Variants in HMGXB3 observed in about 807,000 individuals in gnomAD.
The protein encoded by HMGXB3 is HMG-box containing 3, also known as HMG domain-containing protein 3.
A neutral mutation model predicts 121.5 loss-of-function variants in HMGXB3; 45 were observed. The ratio of observed to expected loss-of-function variants is 0.37; its 90% CI spans 0.29 to 0.47. The LOEUF is 0.47. Among genes scored for constraint, HMGXB3 ranks in the 20% least tolerant of loss-of-function variants. The pLI is 0.99. For synonymous variants in HMGXB3, 590 were observed against 624.1 expected (o/e 0.95, Z 0.81); for missense variants, 1,376 against 1,602.2 (o/e 0.86, Z 2.41).
At position 150,046,126 on chromosome 5, in the gene HMGXB3, G is replaced by A. The variant is rs567459206; in HGVS notation, c.2950+441G>A. ...CGGGTAAGAGGATAGGTTTCTAACA[G>A]CTTGAGTTTGATTCCCAGCTTTGCC... On this transcript the variant is annotated intron_variant, in intron 16 of 19. Transcript: ENST00000502717. Among the ~76,000 whole-genome samples, 216 of 152,316 alleles carry A rather than the reference G, an allele frequency of 1.4e-3. 1 individual carries two copies. The highest frequency in any genetic ancestry group is 2.3e-3 in the Non-Finnish European group (159 of 68,018).
At chr5:150,041,028 T>C (rs1756620552) in intron 14 of HMGXB3, 149 bp downstream of exon 14, 1 of 810,638 alleles carries the variant, frequency 1.2e-6, no homozygotes, top group Non-Finnish European at 1.8e-6. Flanking sequence ...CACTCTTCCT[T>C]TTGAATTTTA....
In HMGXB3 at chr5:150,010,489, C is replaced by T; in HGVS notation, c.691C>T (p.Gln231Ter). 5 of 1,551,626 alleles carry T rather than the reference C, an allele frequency of 3.2e-6. No homozygotes were observed. Among genetic ancestry groups the T allele is most frequent in the Non-Finnish European group, 4.4e-6 (5 of 1,146,986 alleles). ...AGTAGGGGAGAGCCACCAACCTTAC[C>T]AGACAAGCCTGGTAATTGAAGAGAC... ...LEVGESHQPY[Q>*]TSLVIEETLV... The change falls in exon 4 of 20, where the codon CAG (glutamine) becomes TAG (stop). Residue 231 changes from glutamine (Q) to a stop codon, truncating the protein, a stop_gained. Coordinates refer to ENST00000502717, the MANE Select transcript of HMGXB3 (RefSeq NM_014983.3). LOFTEE classifies it high-confidence loss of function.
At chr5:150,033,224 A>G (rs1053976819) in intron 11 of HMGXB3, among the ~76,000 whole-genome samples, 61 of 152,296 alleles carry the variant, frequency 4.0e-4, no homozygotes, top group African/African-American at 1.4e-3. Flanking sequence ...TAAAGTGAAC[A>G]GAAAATGGTG....
Position 150,052,432 on chromosome 5 carries a change from G to T in HMGXB3, c.*240G>T, listed in dbSNP as rs1339898382. On this transcript the variant is annotated 3_prime_UTR_variant, in exon 20 of 20. Coordinates refer to ENST00000502717, the MANE Select transcript of HMGXB3 (RefSeq NM_014983.3). ...TCTTCTGGCCCCGAGAGAGCACTTG[G>T]GGGACACGGTATGTTTAATGGAGGG... 5.7e-6 allele frequency: 3 copies of T among 524,838 alleles called. No homozygotes were observed. The highest frequency in any genetic ancestry group is 5.7e-5 in the African/African-American group (3 of 52,792). The allele number at this position is 524,838 out of a possible 1,614,324, so 32.5% of individuals were successfully genotyped here.
intron 2 of HMGXB3, 107 bp from the exon 3 acceptor site, chr5:150,006,366 A>G (rs1481318612): frequency 3.5e-6 from 3 of 865,202 alleles, no homozygotes; most frequent in Admixed American, 2.7e-5. Flanking sequence ...AGTAGTACTT[A>G]CTGGTTGAAT....
intron 4 of HMGXB3, among the ~76,000 whole-genome samples, chr5:150,011,060 C>T (rs1755822029): frequency 6.6e-6 from 1 of 151,944 alleles, no homozygotes; most frequent in Non-Finnish European, 1.5e-5. Flanking sequence ...CCCAAGTAGC[C>T]AGGATTATAG....
At chr5:150,041,105 T>G (rs1756622103) in intron 14 of HMGXB3, among the ~76,000 whole-genome samples, 1 of 152,186 alleles carries the variant, frequency 6.6e-6, no homozygotes, top group Admixed American at 6.5e-5. Context: ...AGCAAGAGAT[T>G]ACGAGTGACT....
intron 11 of HMGXB3, 146 bp downstream of exon 11, chr5:150,032,749 C>A: frequency 1.1e-6 from 1 of 910,348 alleles, no homozygotes; most frequent in Non-Finnish European, 1.7e-6. Context: ...TGAACCTGAG[C>A]AAGTGCCGCC....
intron 15 of HMGXB3, among the ~76,000 whole-genome samples, chr5:150,044,638 C>G (rs1031288929): frequency 3.9e-5 from 6 of 152,176 alleles, no homozygotes; most frequent in African/African-American, 1.4e-4. Context: ...AGATGATACT[C>G]TTGCTGCTTG....
In HMGXB3 at chr5:150,003,170, T is replaced by G. The variant is rs186068440; in HGVS notation, c.-2-1681T>G. Among the ~76,000 whole-genome samples, 48 of 152,210 alleles carry G rather than the reference T, an allele frequency of 3.2e-4. No individual in the cohort carries two copies. In the East Asian group the frequency reaches 8.5e-3, roughly 27 times the overall value. On this transcript the variant is annotated intron_variant, in intron 1 of 19. Coordinates refer to ENST00000502717, the MANE Select transcript of HMGXB3 (RefSeq NM_014983.3). ...AAATAAATAAATTTAAAAATAAAAC[T>G]AATTCAATTCTTCAGTCACACTAGC... is the stretch of plus-strand genomic sequence containing the variant.
At chr5:150,011,610 T>TG (rs1315413831) in intron 4 of HMGXB3, among the ~76,000 whole-genome samples, 1 of 149,852 alleles carries the variant, frequency 6.7e-6, no homozygotes, top group African/African-American at 2.5e-5. Context: ...TTTGGTTTTT[T>TG]TTTTTTTTTT....
chr5:150,010,804 C>T (rs949332823), intron 4 of HMGXB3, among the ~76,000 whole-genome samples, 196 bp downstream of exon 4: 2 of 152,230 alleles, frequency 1.3e-5, no homozygotes, highest in African/African-American at 4.8e-5. Context: ...GCACTCTTAC[C>T]AACTCTTTGC....
chr5:150,032,351 C>T, intron 10 of HMGXB3, 103 bp from the exon 11 acceptor site: 1 of 1,075,410 alleles, frequency 9.3e-7, no homozygotes. Context: ...TTGCAGTTGC[C>T]ACTCTCTTCT....
intron 3 of HMGXB3, 124 bp downstream of exon 3, chr5:150,006,771 T>A (rs1399856698): frequency 2.5e-6 from 2 of 811,942 alleles, no homozygotes; most frequent in Non-Finnish European, 3.8e-6. Flanking sequence ...TTTATCCTTC[T>A]TGACTCTGGG....
chr5:150,044,491 T>C (rs1000381112), intron 15 of HMGXB3, among the ~76,000 whole-genome samples: 1 of 152,180 alleles, frequency 6.6e-6, no homozygotes, highest in Non-Finnish European at 1.5e-5. Context: ...TCTTGGACTT[T>C]AGTGGGTATA....
intron 13 of HMGXB3, among the ~76,000 whole-genome samples, chr5:150,039,631 T>C (rs190065356): frequency 2.6e-5 from 4 of 152,340 alleles, no homozygotes; most frequent in South Asian, 2.1e-4. Flanking sequence ...ATTCTTCTTT[T>C]GGTCTTTTTT....
At chr5:150,050,664 A>G (rs1160146341) in intron 19 of HMGXB3, among the ~76,000 whole-genome samples, 1 of 152,166 alleles carries the variant, frequency 6.6e-6, no homozygotes, top group African/African-American at 2.4e-5. Context: ...GTGTTTTAGT[A>G]GAGATGGGGT....
At chr5:150,047,862 C>A (rs1756796354) in intron 17 of HMGXB3, 105 bp downstream of exon 17, 2 of 1,300,542 alleles carry the variant, frequency 1.5e-6, no homozygotes, top group Non-Finnish European at 1.1e-6. Context: ...CTGCCTTGGA[C>A]ACAAGGTGCT....
intron 13 of HMGXB3, among the ~76,000 whole-genome samples, chr5:150,037,890 A>G (rs923467696): frequency 1.3e-5 from 2 of 152,234 alleles, no homozygotes; most frequent in African/African-American, 4.8e-5. Flanking sequence ...ATAAGAAATT[A>G]TAGGATGTAT....
Sources: gnomAD v4.1 joint callset for allele counts (sites outside exome capture counted in the v4.1 genomes callset) on GRCh38, gnomAD v4.1.1 for gene constraint, MANE v1.5 for transcripts, NCBI Gene and HGNC (gene_info 2026-07-23, HGNC 2026-07-21) for gene names.